Variants in DZIP3 observed in about 807,000 individuals in gnomAD.
DZIP3 encodes DAZ interacting zinc finger protein 3.
In DZIP3, 118 loss-of-function variants were observed where a neutral mutation model predicts 162.0. The ratio of observed to expected loss-of-function variants is 0.73; its 90% CI spans 0.63 to 0.85. DZIP3 has a LOEUF of 0.85. Among genes scored for constraint, DZIP3 ranks in the 40% least tolerant of loss-of-function variants. The pLI is 0.00. For missense variants in DZIP3, 1,331 were observed against 1,407.0 expected (o/e 0.95, Z 0.86); for synonymous variants, 438 against 458.6 (o/e 0.96, Z 0.57).
intron 8 of DZIP3, among the ~76,000 whole-genome samples, chr3:108,630,578 C>T (rs1315636771): frequency 1.3e-5 from 2 of 151,972 alleles, no homozygotes; most frequent in Non-Finnish European, 2.9e-5. Context: ...TCAAGGTAAT[C>T]ATATGACTTT....
In DZIP3 at chr3:108,605,410, G is replaced by C; in HGVS notation, c.4G>C (p.Asp2His). M[D>H]SLPDEFFVRH... ...TTGTAAAGAAACCTTGTGCAGCATG[G>C]ATTCTCTACCAGATGAATTTTTTGT... The change falls in exon 2 of 33, where the codon GAT becomes CAT. Residue 2 changes from aspartate to histidine, a missense_variant. Around this residue, in one of 2 missense-constraint regions of DZIP3, gnomAD observed 1,278 missense variants for 1,317.1 expected, o/e 0.97. Transcript: ENST00000361582. 6.2e-7 allele frequency: 1 copy of C among 1,613,500 alleles called. No individual in the cohort carries two copies. Among genetic ancestry groups the C allele is most frequent in the Non-Finnish European group, 8.5e-7 (1 of 1,179,712 alleles).
intron 4 of DZIP3, among the ~76,000 whole-genome samples, chr3:108,613,950 A>G (rs1377548589): frequency 6.6e-6 from 1 of 152,214 alleles, no homozygotes; most frequent in Non-Finnish European, 1.5e-5. Flanking sequence ...GAATAAAAAT[A>G]TATATCAAAT....
At chr3:108,671,652 G>T (rs866559613) in intron 22 of DZIP3, among the ~76,000 whole-genome samples, 4 of 151,942 alleles carry the variant, frequency 2.6e-5, no homozygotes, top group Middle Eastern at 3.4e-3. Context: ...TAATGACGGG[G>T]ATAATAAAAA....
At chr3:108,659,319 G>A (rs1388287412) in intron 19 of DZIP3, among the ~76,000 whole-genome samples, 2 of 152,146 alleles carry the variant, frequency 1.3e-5, no homozygotes, top group African/African-American at 4.8e-5. Context: ...TCATCACTGG[G>A]ATGCAAGGCT....
intron 9 of DZIP3, among the ~76,000 whole-genome samples, chr3:108,634,065 A>T (rs1282704791): frequency 1.0e-5 from 1 of 97,312 alleles, no homozygotes; most frequent in East Asian, 6.4e-4. Context: ...ACAATACTCT[A>T]AAAAAAATAA....
At chr3:108,627,112 G>A (rs2924706) in intron 7 of DZIP3, among the ~76,000 whole-genome samples, 23,064 of 152,238 alleles carry the variant, frequency 0.15, 2,165 homozygotes, top group Non-Finnish European at 0.22. Context: ...GTGATGCTTT[G>A]TAGAATGTCA....
intron 19 of DZIP3, among the ~76,000 whole-genome samples, chr3:108,655,027 T>A (rs1419143474): frequency 3.3e-5 from 5 of 152,136 alleles, no homozygotes; most frequent in Non-Finnish European, 7.4e-5. Context: ...ACCTTTTTTC[T>A]CCTAATTAGA....
chr3:108,620,209 C>T (rs1559732300), intron 5 of DZIP3, among the ~76,000 whole-genome samples: 1 of 152,126 alleles, frequency 6.6e-6, no homozygotes, highest in African/African-American at 2.4e-5. Flanking sequence ...GTGTTTCTGC[C>T]CAGGGAAGCC....
chr3:108,633,025 T>G lies in DZIP3; in HGVS notation c.769T>G (p.Cys257Gly). 1 of 1,505,002 alleles carries G rather than the reference T, an allele frequency of 6.6e-7. No homozygotes were observed. The highest frequency in any genetic ancestry group is 2.5e-5 in the East Asian group (1 of 40,186). 93.2% of individuals were successfully genotyped at this position (1,505,002 alleles called of 1,614,324 possible). ...GCAGACGATTTGTAGTTACCTAGAT[T>G]GTGAACGATCTTGTGAAGCTGACAT... ...MKQTICSYLD[C>G]ERSCEADILK... The change falls in exon 9 of 33, where the codon TGT becomes GGT. Residue 257 changes from cysteine to glycine, a missense_variant. This residue lies in a region of DZIP3 where 1,278 missense variants were observed against 1,317.1 expected (regional missense o/e 0.97). Coordinates refer to ENST00000361582, the MANE Select transcript of DZIP3 (RefSeq NM_014648.4).
intron 18 of DZIP3, among the ~76,000 whole-genome samples, chr3:108,653,937 T>G (rs974312647): frequency 1.3e-4 from 20 of 152,232 alleles, no homozygotes; most frequent in South Asian, 8.3e-4. Context: ...GTACCTTGAT[T>G]GAGTGCTACT....
chr3:108,613,213 A>G (rs1253273815), intron 4 of DZIP3, among the ~76,000 whole-genome samples: 1 of 152,178 alleles, frequency 6.6e-6, no homozygotes, highest in Non-Finnish European at 1.5e-5. Flanking sequence ...TCTATAAATT[A>G]AAATCCACAA....
At chr3:108,681,468 T>C (rs1056507421) in intron 26 of DZIP3, among the ~76,000 whole-genome samples, 1 of 152,126 alleles carries the variant, frequency 6.6e-6, no homozygotes, top group African/African-American at 2.4e-5. Context: ...AGGAACACTT[T>C]TACACTGTTG....
rs925946583 is a variant in DZIP3 at position 108,686,505 on chromosome 3, G to C, written c.3070G>C (p.Gly1024Arg). The C allele has an allele frequency of 1.2e-6, 2 of 1,612,374 alleles. No individual in the cohort carries two copies. The highest frequency in any genetic ancestry group is 1.7e-6 in the Non-Finnish European group (2 of 1,179,532). ...PVGDAVPPSA[G>R]LRSDPSIMNW... ...GGGAGACGCTGTGCCTCCCAGTGCA[G>C]GTCTGCGGAGTGATCCCTCCATCAT... The change falls in exon 28 of 33, where the codon GGT becomes CGT. Residue 1024 changes from glycine (G) to arginine (R), a missense_variant. By Grantham distance (125) the Gly-to-Arg change is moderately radical. This residue lies in a region of DZIP3 where 1,278 missense variants were observed against 1,317.1 expected (regional missense o/e 0.97). Coordinates refer to ENST00000361582, the MANE Select transcript of DZIP3 (RefSeq NM_014648.4).
intron 1 of DZIP3, among the ~76,000 whole-genome samples, chr3:108,592,419 C>T (rs367740092): frequency 6.6e-6 from 1 of 152,146 alleles, no homozygotes; most frequent in African/African-American, 2.4e-5. Flanking sequence ...GTGTGCCAGG[C>T]GTAGTGGCTC....
At chr3:108,598,628 G>C (rs555650938) in intron 1 of DZIP3, among the ~76,000 whole-genome samples, 1 of 152,168 alleles carries the variant, frequency 6.6e-6, no homozygotes, top group Non-Finnish European at 1.5e-5. Flanking sequence ...TTTCATTGGT[G>C]GTGGTAGAGG....
At position 108,634,619 on chromosome 3, in the gene DZIP3, G is replaced by A. The variant is rs546971321; in HGVS notation, c.817-252G>A. Among the ~76,000 whole-genome samples the A allele has an allele frequency of 1.5e-3, 224 of 152,154 alleles. 2 individuals carry two copies. Among genetic ancestry groups the A allele is most frequent in the South Asian group, 8.7e-3 (42 of 4,816 alleles). On this transcript the variant is annotated intron_variant, in intron 9 of 32. Transcript: ENST00000361582. ...CTGGGTTTCTGATATTTTGTTGTACGTAGAATATGGAAAATATATTAATTT... is the reference window on the plus strand; with the variant it reads ...CTGGGTTTCTGATATTTTGTTGTACATAGAATATGGAAAATATATTAATTT...
At chr3:108,607,268 A>G (rs554814294) in intron 2 of DZIP3, among the ~76,000 whole-genome samples, 3 of 152,314 alleles carry the variant, frequency 2.0e-5, no homozygotes, top group Admixed American at 1.3e-4. Flanking sequence ...AACAAAATCA[A>G]TTAGCATATA....
chr3:108,673,995 A>C, intron 23 of DZIP3, 83 bp from the exon 24 acceptor site: 1 of 1,078,432 alleles, frequency 9.3e-7, no homozygotes, highest in Non-Finnish European at 1.4e-6. Context: ...AATAGCTTTA[A>C]ATTTACTTGA....
intron 14 of DZIP3, among the ~76,000 whole-genome samples, chr3:108,646,134 AGAT>A (rs1942610959): frequency 1.3e-5 from 2 of 152,276 alleles, no homozygotes; most frequent in South Asian, 4.1e-4. Flanking sequence ...ATCTCCATGA[AGAT>A]TGTCTTTTTT....
Sources: allele counts gnomAD v4.1 joint callset (sites outside exome capture counted in the v4.1 genomes callset), GRCh38; gene constraint gnomAD v4.1.1; regional missense constraint gnomAD v4.1.1; transcripts MANE v1.5; gene names NCBI Gene and HGNC (gene_info 2026-07-23, HGNC 2026-07-21).